EZR: variants seen among roughly 807,000 people sequenced by gnomAD.
EZR encodes cytovillin 2.
EZR carries 40 observed loss-of-function variants against 74.8 expected under a neutral mutation model. That is an observed-to-expected ratio of 0.53 (90% confidence interval 0.42 to 0.70). The LOEUF (loss-of-function observed/expected upper bound fraction) is 0.70, where lower values mean the gene tolerates loss of function less well. Among genes scored for constraint, EZR ranks in the 30% least tolerant of loss-of-function variants. The pLI is 0.00. For missense variants in EZR, 678 were observed against 755.8 expected (o/e 0.90, Z 1.21); for synonymous variants, 341 against 283.3 (o/e 1.20, Z -2.05).
chr6:158,818,051 G>C, intron 2 of EZR, 31 bp downstream of exon 2: 3 of 1,606,570 alleles, frequency 1.9e-6, no homozygotes. Flanking sequence ...AGCCTCTCCC[G>C]TCCGCCCGGC....
At chr6:158,816,650 T>C (rs1025009521) in intron 2 of EZR, among the ~76,000 whole-genome samples, 1 of 152,232 alleles carries the variant, frequency 6.6e-6, no homozygotes, top group Admixed American at 6.5e-5. Context: ...TAGAAAATAC[T>C]CTGCATCACA....
intron 12 of EZR, 121 bp from the exon 13 acceptor site, chr6:158,767,633 C>T: frequency 9.1e-7 from 1 of 1,093,518 alleles, no homozygotes; most frequent in Non-Finnish European, 1.3e-6. Flanking sequence ...CTGTGCTGGG[C>T]TGTGGCTTCG....
intron 2 of EZR, among the ~76,000 whole-genome samples, chr6:158,802,574 C>T (rs1476878578): frequency 6.6e-6 from 1 of 152,170 alleles, no homozygotes; most frequent in Non-Finnish European, 1.5e-5. Flanking sequence ...TCTTGTTGCC[C>T]AGGCTGGAGT....
At position 158,789,050 on chromosome 6, in the gene EZR, C is replaced by T. The variant is rs74702389; in HGVS notation, c.96+238G>A. ...CTGGTAACACACTGAATCCGCCTGACTTTATACAACAGACAGCTGTGTGCT... is the reference window on the plus strand; with the variant it reads ...CTGGTAACACACTGAATCCGCCTGATTTTATACAACAGACAGCTGTGTGCT... On this transcript the variant is annotated intron_variant, in intron 3 of 13. Coordinates refer to ENST00000367075, the MANE Select transcript of EZR (RefSeq NM_001111077.2). 2.6e-4 allele frequency among the ~76,000 whole-genome samples: 40 copies of T among 152,356 alleles called. No homozygotes were observed. The East Asian group carries it at 6.7e-3, about 26-fold the overall frequency.
At chr6:158,803,352 T>C (rs1777231166) in intron 2 of EZR, among the ~76,000 whole-genome samples, 1 of 151,374 alleles carries the variant, frequency 6.6e-6, no homozygotes. Flanking sequence ...GATGACCTTT[T>C]TTTAATGGTT....
chr6:158,770,557 C>T (rs1485832426), intron 10 of EZR, among the ~76,000 whole-genome samples: 1 of 152,220 alleles, frequency 6.6e-6, no homozygotes, highest in Non-Finnish European at 1.5e-5. Context: ...TTTTAAAATA[C>T]AAAGTCTTAG....
chr6:158,787,218 G>A lies in EZR; in HGVS notation c.97-15C>T. On this transcript the variant is annotated splice_polypyrimidine_tract_variant and intron_variant, in intron 3 of 13. Coordinates refer to ENST00000367075, the MANE Select transcript of EZR (RefSeq NM_001111077.2). Reference sequence around the variant, plus strand: ...GTCTTTACCACCTGCGTGAGAGAGAGAGAGGCTCAACACTCATGAGAAACT... The same window carrying A: ...GTCTTTACCACCTGCGTGAGAGAGAAAGAGGCTCAACACTCATGAGAAACT... 1.9e-6 allele frequency: 3 copies of A among 1,606,350 alleles called. No individual in the cohort carries two copies. The highest frequency in any genetic ancestry group is 1.1e-5 in the South Asian group (1 of 90,916).
At chr6:158,805,817 C>T (rs1777325723) in intron 2 of EZR, among the ~76,000 whole-genome samples, 1 of 152,070 alleles carries the variant, frequency 6.6e-6, no homozygotes, top group Admixed American at 6.6e-5. Flanking sequence ...ATTTTACAAC[C>T]CTATCACTCA....
At position 158,795,254 on chromosome 6, in the gene EZR, AAAAT is replaced by A. The variant is rs552039243; in HGVS notation, c.13-5887_13-5884del. Among the ~76,000 whole-genome samples, 115 of 151,998 alleles carry A rather than the reference AAAAT, an allele frequency of 7.6e-4. No homozygotes were observed. In the East Asian group the frequency reaches 0.01, roughly 14 times the overall value. On this transcript the variant is annotated intron_variant, in intron 2 of 13. Transcript: ENST00000367075. ...GTGACAGGGTGAGACTCCATCGCAAAAAATAAATAAATAAATAAATAAATAATTC... is the reference window on the plus strand; with the variant it reads ...GTGACAGGGTGAGACTCCATCGCAAAAAATAAATAAATAAATAAATAATTC...
intron 7 of EZR, among the ~76,000 whole-genome samples, chr6:158,782,878 T>C (rs971131121): frequency 1.3e-5 from 2 of 152,148 alleles, no homozygotes; most frequent in South Asian, 4.1e-4. Context: ...TAGGATGACT[T>C]TCCCTGTTTA....
At chr6:158,804,772 T>A (rs1220258838) in intron 2 of EZR, among the ~76,000 whole-genome samples, 1 of 152,064 alleles carries the variant, frequency 6.6e-6, no homozygotes, top group Non-Finnish European at 1.5e-5. Flanking sequence ...TCTTATTTTT[T>A]TTTATTATAC....
chr6:158,796,676 ACT>A (rs1368196457), intron 2 of EZR, among the ~76,000 whole-genome samples: 1 of 152,112 alleles, frequency 6.6e-6, no homozygotes, highest in African/African-American at 2.4e-5. Context: ...AGGTCACGTA[ACT>A]CTGCAGTGGT....
chr6:158,771,095 G>GA, intron 9 of EZR, 149 bp downstream of exon 9: 1 of 1,341,278 alleles, frequency 7.5e-7, no homozygotes, highest in Non-Finnish European at 1.0e-6. Flanking sequence ...ACCGCCCAGA[G>GA]ACAAAGGCCT....
rs774868246 is a variant in EZR, at chr6:158,766,925, C to T, written c.1750G>A (p.Glu584Lys). The T allele has an allele frequency of 1.2e-6, 2 of 1,614,134 alleles. No individual in the cohort carries two copies. Among genetic ancestry groups the T allele is most frequent in the Non-Finnish European group, 1.7e-6 (2 of 1,179,996 alleles). ...TCCTGGCCTGGCTGTTACAGGGCCT[C>T]GAACTCGTCGATGCGCTGCTTGGTG... ...GNTKQRIDEF[E>K]AL Residue 584 changes from glutamate to lysine, a missense_variant, in exon 14 of 14, where the codon GAG (glutamate) becomes AAG (lysine). Glu to Lys is a moderately conservative substitution (Grantham distance 56, BLOSUM62 1). This residue lies in a region of EZR where 342 missense variants were observed against 341.2 expected (regional missense o/e 1.00). Transcript: ENST00000367075.
chr6:158,797,093 A>G (rs1219017674), intron 2 of EZR, among the ~76,000 whole-genome samples: 1 of 152,174 alleles, frequency 6.6e-6, no homozygotes, highest in Admixed American at 6.5e-5. Flanking sequence ...TTTGGGAAGC[A>G]TCCATTTCCT....
chr6:158,788,880 C>T (rs1468197139), intron 3 of EZR, among the ~76,000 whole-genome samples: 2 of 152,156 alleles, frequency 1.3e-5, no homozygotes, highest in African/African-American at 2.4e-5. Flanking sequence ...CACTCATCCA[C>T]GCAGTGAGAG....
intron 2 of EZR, among the ~76,000 whole-genome samples, chr6:158,816,756 C>G (rs1315685037): frequency 6.6e-6 from 1 of 152,202 alleles, no homozygotes; most frequent in Non-Finnish European, 1.5e-5. Context: ...ATTAATACCT[C>G]TAACAAAGAT....
chr6:158,812,225 C>A (rs1173523189), intron 2 of EZR, among the ~76,000 whole-genome samples: 1 of 152,152 alleles, frequency 6.6e-6, no homozygotes, highest in African/African-American at 2.4e-5. Flanking sequence ...AATAACAGCA[C>A]TCCTGGCATT....
intron 2 of EZR, among the ~76,000 whole-genome samples, chr6:158,790,731 A>C (rs535676017): frequency 6.0e-4 from 91 of 152,272 alleles, no homozygotes; most frequent in African/African-American, 2.0e-3. Context: ...CACTTACATC[A>C]AGGCAGTTTT....
Sources: allele counts gnomAD v4.1 joint callset (sites outside exome capture counted in the v4.1 genomes callset), GRCh38; gene constraint gnomAD v4.1.1; regional missense constraint gnomAD v4.1.1; transcripts MANE v1.5; gene names NCBI Gene and HGNC (gene_info 2026-07-23, HGNC 2026-07-21).